HSD11B1: variants seen among roughly 807,000 people sequenced by gnomAD.
HSD11B1 encodes hydroxysteroid 11-beta dehydrogenase 1, also known as 11-beta-hydroxysteroid dehydrogenase 1.
HSD11B1 carries 15 observed loss-of-function variants against 22.1 expected under a neutral mutation model. The observed-to-expected ratio is 0.68, with a 90% CI of 0.45 to 1.04. The LOEUF is 1.04. Among genes scored for constraint, HSD11B1 ranks in the 50% least tolerant of loss-of-function variants. The pLI is 0.00. For synonymous variants in HSD11B1, 122 were observed against 125.2 expected (o/e 0.97, Z 0.17); for missense variants, 281 against 357.6 (o/e 0.79, Z 1.73).
At position 209,706,612 on chromosome 1, in the gene HSD11B1, T is replaced by C. The variant is rs2076860568; in HGVS notation, c.220-97T>C. 1.2e-6 allele frequency: 1 copy of C among 816,110 alleles called. No individual in the cohort carries two copies. The allele number at this position is 816,110 out of a possible 1,614,324, so 50.6% of individuals were successfully genotyped here. ...TTACCATTTCTTACCTAAACAGGGC[T>C]GTGAGCAATCTCTCATTTAAGCCCC... On this transcript the variant is annotated intron_variant, in intron 2 of 5. Transcript: ENST00000367027. This position sits in a 1 kb window ranked among gnomAD's most constrained non-coding sequence, Gnocchi z 4.0.
At chr1:209,704,225 T>A (rs860185), upstream of HSD11B1, among the ~76,000 whole-genome samples, 11,911 of 152,254 alleles carry the variant, frequency 0.078, 1,446 homozygotes, top group African/African-American at 0.26. Flanking sequence ...AAGTGTATGA[T>A]CCATTGCACT....
At chr1:209,693,392 C>T (rs1299325433) in intron 1 of HSD11B1, among the ~76,000 whole-genome samples, 1 of 152,172 alleles carries the variant, frequency 6.6e-6, no homozygotes, top group East Asian at 1.9e-4. Flanking sequence ...TTCTTCCTGG[C>T]CCTCCCCCAG....
intron 1 of HSD11B1, among the ~76,000 whole-genome samples, chr1:209,689,763 T>C (rs1011924221): frequency 6.6e-6 from 1 of 151,576 alleles, no homozygotes; most frequent in Non-Finnish European, 1.5e-5. Context: ...CCGTGCTTCT[T>C]CTGCAGGCTG....
chr1:209,704,829 C>T, upstream of HSD11B1: 1 of 792,938 alleles, frequency 1.3e-6, no homozygotes, highest in Admixed American at 1.9e-5. Context: ...ACTCCAGCCT[C>T]CCCCGTCCCT....
chr1:209,694,873 G>C (rs1234283016), intron 1 of HSD11B1, among the ~76,000 whole-genome samples: 1 of 152,222 alleles, frequency 6.6e-6, no homozygotes, highest in Non-Finnish European at 1.5e-5. Flanking sequence ...CCAGAGAAAT[G>C]TGAGGAGGTC....
At chr1:209,725,848 T>C (rs984636554) in intron 4 of HSD11B1, among the ~76,000 whole-genome samples, 1 of 152,204 alleles carries the variant, frequency 6.6e-6, no homozygotes, top group African/African-American at 2.4e-5. Flanking sequence ...CTTACGTGCA[T>C]TGAATTTGAG....
chr1:209,692,615 G>GGT (rs1553286740), intron 1 of HSD11B1, among the ~76,000 whole-genome samples: 1 of 114,484 alleles, frequency 8.7e-6, no homozygotes, highest in Non-Finnish European at 1.9e-5. Flanking sequence ...GGCGGGGGGG[G>GGT]GGGTGGGGGC....
At chr1:209,689,837 C>T (rs867029040) in intron 1 of HSD11B1, among the ~76,000 whole-genome samples, 1 of 152,144 alleles carries the variant, frequency 6.6e-6, no homozygotes, top group Non-Finnish European at 1.5e-5. Flanking sequence ...GGTTCCTTTA[C>T]AGTAACACAA....
intron 1 of HSD11B1, among the ~76,000 whole-genome samples, chr1:209,688,742 C>A (rs1332276738): frequency 2.0e-5 from 3 of 152,198 alleles, no homozygotes; most frequent in Non-Finnish European, 4.4e-5. Context: ...GCACTCTGAA[C>A]AGACATTAAT....
intron 1 of HSD11B1, among the ~76,000 whole-genome samples, chr1:209,696,560 G>A (rs974941721): frequency 6.6e-6 from 1 of 152,040 alleles, no homozygotes; most frequent in African/African-American, 2.4e-5. Flanking sequence ...GAGAGAGAAG[G>A]GAATTACGCA....
At chr1:209,707,926 G>GA (rs75483351) in intron 4 of HSD11B1, among the ~76,000 whole-genome samples, 83 of 142,290 alleles carry the variant, frequency 5.8e-4, no homozygotes, top group South Asian at 3.7e-3. Context: ...TGAACAACAA[G>GA]AAAAAAAAAA....
chr1:209,705,082 G>A (rs752744526), intron 1 of HSD11B1, 52 bp downstream of exon 1: 2 of 1,362,182 alleles, frequency 1.5e-6, no homozygotes, highest in African/African-American at 2.9e-5. Flanking sequence ...AAACACAGGG[G>A]TGCTTGAGTG....
intron 4 of HSD11B1, among the ~76,000 whole-genome samples, chr1:209,727,031 T>C (rs1271408517): frequency 6.6e-6 from 1 of 152,154 alleles, no homozygotes; most frequent in Non-Finnish European, 1.5e-5. Flanking sequence ...AGTGGACACA[T>C]AGAAAGTCCT....
rs796545462 is a variant in HSD11B1, at chr1:209,692,607, CGGGGGG to C, written c.-49+6328_-49+6333del. Among the ~76,000 whole-genome samples the C allele has an allele frequency of 3.3e-4, 16 of 48,224 alleles. 2 individuals carry two copies. Among genetic ancestry groups the C allele is most frequent in the Non-Finnish European group, 4.7e-4 (12 of 25,580 alleles). The allele number at this position is 48,224 out of a possible 152,430, so 31.6% of individuals were successfully genotyped here. A position where few individuals can be genotyped will look rare whatever the true frequency, so the allele number is the denominator to read the frequency against. Reference sequence around the variant, plus strand: ...ATCAAGGAATCGGGTATTAAAATGGCGGGGGGGGGGGTGGGGGCTCGGTTCTTGCTA... The same window carrying C: ...ATCAAGGAATCGGGTATTAAAATGGCGGGGGTGGGGGCTCGGTTCTTGCTA... On this transcript the variant is annotated intron_variant, in intron 1 of 6. Coordinates refer to the HSD11B1 transcript ENST00000261465.
rs1033006139 is a variant in HSD11B1, at chr1:209,711,588, TG to T, written c.517+4466del. On this transcript the variant is annotated intron_variant, in intron 4 of 5. Coordinates refer to ENST00000367027, the MANE Select transcript of HSD11B1 (RefSeq NM_005525.4). ...GGCTGCACAGGGTTGAGCTGTGTGT[TG>T]GGGGGATGGGTAGAAGTACGCAGAG... 2.6e-5 allele frequency among the ~76,000 whole-genome samples: 4 copies of T among 152,018 alleles called. No individual in the cohort carries two copies. In the South Asian group the frequency reaches 6.3e-4, roughly 24 times the overall value.
At chr1:209,712,145 T>C (rs1407875995) in intron 4 of HSD11B1, among the ~76,000 whole-genome samples, 4 of 152,086 alleles carry the variant, frequency 2.6e-5, no homozygotes, top group African/African-American at 9.7e-5. Context: ...AAAACACAAA[T>C]AGAAAACTAG....
In HSD11B1 at chr1:209,732,598, G is replaced by T; in HGVS notation, c.661+19G>T. 1.9e-6 allele frequency: 3 copies of T among 1,592,802 alleles called. No homozygotes were observed. Among genetic ancestry groups the T allele is most frequent in the Non-Finnish European group, 2.6e-6 (3 of 1,162,244 alleles). ...GACACAGGTAAGGTCAATACTTTGT[G>T]TTTTTTTTTAATTATTATACTTTAA... is the stretch of plus-strand genomic sequence containing the variant. On this transcript the variant is annotated intron_variant, in intron 5 of 5. Coordinates refer to ENST00000367027, the MANE Select transcript of HSD11B1 (RefSeq NM_005525.4).
intron 4 of HSD11B1, among the ~76,000 whole-genome samples, chr1:209,726,847 A>T (rs1167400592): frequency 6.6e-6 from 1 of 152,218 alleles, no homozygotes; most frequent in African/African-American, 2.4e-5. Context: ...CTGCTCTAGG[A>T]ATTCAGACTA....
At chr1:209,698,124 G>C (rs1023333341) in intron 1 of HSD11B1, among the ~76,000 whole-genome samples, 2 of 151,360 alleles carry the variant, frequency 1.3e-5, no homozygotes, top group Non-Finnish European at 2.9e-5. Context: ...CATCTTGATA[G>C]GTAGACAGCT....
Sources: gnomAD v4.1 joint callset for allele counts (sites outside exome capture counted in the v4.1 genomes callset) on GRCh38, gnomAD v4.1.1 for gene constraint, Gnocchi (gnomAD v3.1) non-coding constraint, MANE v1.5 for transcripts, NCBI Gene and HGNC (gene_info 2026-07-23, HGNC 2026-07-21) for gene names.